Variants in SLC35F6 observed in about 807,000 individuals in gnomAD.
SLC35F6 encodes the protein ANT2-binding protein.
A neutral mutation model predicts 29.4 loss-of-function variants in SLC35F6; 26 were observed. The observed-to-expected ratio is 0.89, with a 90% CI of 0.65 to 1.23. The LOEUF (loss-of-function observed/expected upper bound fraction) is 1.23. Ranked by LOEUF, SLC35F6 falls within the 50% of genes most tolerant of loss-of-function variation. The pLI is 0.00. For missense variants in SLC35F6, 428 were observed against 487.8 expected (o/e 0.88, Z 1.15); for synonymous variants, 174 against 206.6 (o/e 0.84, Z 1.35).
At chr2:26,765,495 G>C (rs761806072) in intron 1 of SLC35F6, among the ~76,000 whole-genome samples, 8 of 152,158 alleles carry the variant, frequency 5.3e-5, no homozygotes, top group Non-Finnish European at 1.0e-4. Flanking sequence ...TTTTCTTGTT[G>C]CCCAGGCTGG....
At chr2:26,772,045 C>T (rs1385463168) in intron 1 of SLC35F6, among the ~76,000 whole-genome samples, 4 of 152,210 alleles carry the variant, frequency 2.6e-5, no homozygotes, top group Admixed American at 6.5e-5. Context: ...TTCCCAAGAA[C>T]CACAAGGAAT....
At chr2:26,770,516 G>A (rs1476644075) in intron 1 of SLC35F6, among the ~76,000 whole-genome samples, 1 of 151,984 alleles carries the variant, frequency 6.6e-6, no homozygotes, top group African/African-American at 2.4e-5. Flanking sequence ...TCAGGAGTTC[G>A]AGACCATCCT....
chr2:26,765,519 G>A (rs1397180733), intron 1 of SLC35F6, among the ~76,000 whole-genome samples: 3 of 152,176 alleles, frequency 2.0e-5, no homozygotes, highest in Admixed American at 1.3e-4. Context: ...GCAATGGCAC[G>A]ATCCCATGTA....
intron 1 of SLC35F6, among the ~76,000 whole-genome samples, chr2:26,766,027 A>G (rs1664090601): frequency 6.6e-6 from 1 of 152,212 alleles, no homozygotes. Flanking sequence ...CAAACCAGTC[A>G]GGTAGGAAGC....
chr2:26,775,616 G>T lies in SLC35F6; in HGVS notation c.475G>T (p.Gly159Cys). 1.9e-6 allele frequency: 3 copies of T among 1,604,906 alleles called. No individual in the cohort carries two copies. The highest frequency in any genetic ancestry group is 1.7e-6 in the Non-Finnish European group (2 of 1,178,174). ...CACCATCGCGGGGCTGGTGGTCGTG[G>T]GCCTGGCTGACCTCCTGAGCAAGCA... is the stretch of plus-strand genomic sequence containing the variant. ...LATIAGLVVVGLADLLSKHDS... is the reference protein window; with the variant it reads ...LATIAGLVVVCLADLLSKHDS... Residue 159 changes from glycine (G) to cysteine (C), a missense_variant, in exon 4 of 6, where the codon GGC becomes TGC. Coordinates refer to ENST00000344420, the MANE Select transcript of SLC35F6 (RefSeq NM_017877.4). The surrounding 1 kb of genome is among the most constrained non-coding windows in gnomAD (Gnocchi z 4.6).
chr2:26,775,681 G>A lies in SLC35F6; in HGVS notation c.535+5G>A, dbSNP rs758171222. 12 of 1,563,734 alleles carry A rather than the reference G, an allele frequency of 7.7e-6. No homozygotes were observed. The highest frequency in any genetic ancestry group is 4.1e-5 in the African/African-American group (3 of 73,846). ...AGCTCAGCGAAGTGATCACAGGTGC[G>A]GCCAGGGGCAGGGACACGGGGCTGC... On this transcript the variant is annotated splice_donor_5th_base_variant and intron_variant, in intron 4 of 5. Coordinates refer to ENST00000344420, the MANE Select transcript of SLC35F6 (RefSeq NM_017877.4). This position sits in a 1 kb window ranked among gnomAD's most constrained non-coding sequence, Gnocchi z 4.6.
chr2:26,775,564 G>A lies in SLC35F6; in HGVS notation c.423G>A (p.Val141=), dbSNP rs1043730767. The A allele has an allele frequency of 7.5e-6, 12 of 1,609,514 alleles. No individual in the cohort carries two copies. Among genetic ancestry groups the A allele is most frequent in the Middle Eastern group, 1.7e-4 (1 of 5,754 alleles). ...FSVAFLGRRL[V]LSQWLGILAT... ...TGGCCTTCCTGGGCCGGAGGCTGGT[G>A]CTGAGCCAGTGGCTGGGCATCCTAG... Residue 141 remains valine (V), a synonymous_variant, in exon 4 of 6, where the codon GTG becomes GTA. Coordinates refer to ENST00000344420, the MANE Select transcript of SLC35F6 (RefSeq NM_017877.4). This position sits in a 1 kb window ranked among gnomAD's most constrained non-coding sequence, Gnocchi z 4.6.
Position 26,778,659 on chromosome 2 carries a change from G to C in SLC35F6, c.*148G>C, listed in dbSNP as rs1015938220. ...CCCCAGGGCAGCTGCTGCCACAGAA[G>C]ATAACAACACCCAAGTCCTCTTTTT... On this transcript the variant is annotated 3_prime_UTR_variant, in exon 6 of 6. Transcript: ENST00000344420. The C allele has an allele frequency of 3.4e-5, 25 of 743,536 alleles. No homozygotes were observed. Among genetic ancestry groups the C allele is most frequent in the Non-Finnish European group, 4.7e-5 (22 of 470,894 alleles). The allele number at this position is 743,536 out of a possible 1,614,324, so 46.1% of individuals were successfully genotyped here.
At position 26,778,474 on chromosome 2, in the gene SLC35F6, T is replaced by G; in HGVS notation, c.1079T>G (p.Leu360Arg). Reference protein sequence around the residue: ...LAEESEQERLLGGTRTPINDA... With the variant: ...LAEESEQERLRGGTRTPINDA... ...GAGGAGAGCGAGCAGGAGAGACTGC[T>G]GGGTGGCACCCGCACTCCCATCAAT... Residue 360 changes from leucine (L) to arginine (R), a missense_variant, in exon 6 of 6, where the codon CTG becomes CGG. Transcript: ENST00000344420. The G allele has an allele frequency of 6.2e-7, 1 of 1,612,266 alleles. No individual in the cohort carries two copies. Among genetic ancestry groups the G allele is most frequent in the Non-Finnish European group, 8.5e-7 (1 of 1,179,322 alleles).
chr2:26,778,778 A>G lies in SLC35F6; in HGVS notation c.*267A>G. 2.2e-6 allele frequency: 1 copy of G among 453,824 alleles called. No homozygotes were observed. Among genetic ancestry groups the G allele is most frequent in the Non-Finnish European group, 3.9e-6 (1 of 257,350 alleles). The allele number at this position is 453,824 out of a possible 1,614,324, so 28.1% of individuals were successfully genotyped here. ...CTCTGGACCCCTCCTACAGCACTAG[A>G]GCTAAATCATGAAGTTGAATTGTAG... On this transcript the variant is annotated 3_prime_UTR_variant, in exon 6 of 6. Coordinates refer to ENST00000344420, the MANE Select transcript of SLC35F6 (RefSeq NM_017877.4).
chr2:26,777,743 A>AGTGTGTGTGT lies in SLC35F6; in HGVS notation c.647-288_647-279dup, dbSNP rs34163276. 5.7e-3 allele frequency among the ~76,000 whole-genome samples: 858 copies of AGTGTGTGTGT among 150,342 alleles called. 6 individuals carry two copies. The highest frequency in any genetic ancestry group is 0.02 in the African/African-American group (808 of 40,972). ...ATACTGTAAGGGTAATGTTTTTATG[A>AGTGTGTGTGT]GTGTGTGTGTGTGTGTGTGTCCATG... On this transcript the variant is annotated intron_variant, in intron 5 of 5. Coordinates refer to ENST00000344420, the MANE Select transcript of SLC35F6 (RefSeq NM_017877.4).
intron 1 of SLC35F6, among the ~76,000 whole-genome samples, chr2:26,770,790 G>A (rs1664184252): frequency 6.6e-6 from 1 of 152,196 alleles, no homozygotes; most frequent in Admixed American, 6.5e-5. Context: ...GCAAAGTGCT[G>A]CCCACCTTAG....
chr2:26,768,153 A>G (rs1002297845), intron 1 of SLC35F6, among the ~76,000 whole-genome samples: 2 of 152,170 alleles, frequency 1.3e-5, no homozygotes, highest in African/African-American at 4.8e-5. Flanking sequence ...GGCATGGGAT[A>G]ATTGCTTCAA....
Position 26,775,124 on chromosome 2 carries a change from C to A in SLC35F6, c.231C>A (p.Asp77Glu). Residue 77 changes from aspartate to glutamate, a missense_variant, in exon 3 of 6, where the codon GAC (aspartate) becomes GAA (glutamate). Transcript: ENST00000344420. The surrounding 1 kb of genome is among the most constrained non-coding windows in gnomAD (Gnocchi z 4.6). Reference protein sequence around the residue: ...LLRCRAAGQSDSSVDPQQPFN... With the variant: ...LLRCRAAGQSESSVDPQQPFN... ...GATGCAGAGCTGCAGGGCAATCAGA[C>A]TCCAGCGTAGACCCCCAGCAGCCCT... 2.5e-6 allele frequency: 4 copies of A among 1,614,156 alleles called. No individual in the cohort carries two copies. Among genetic ancestry groups the A allele is most frequent in the Non-Finnish European group, 3.4e-6 (4 of 1,180,040 alleles).
Position 26,775,059 on chromosome 2 carries a change from C to T in SLC35F6, c.166C>T (p.Leu56=), listed in dbSNP as rs1197072904. The T allele has an allele frequency of 6.2e-7, 1 of 1,613,902 alleles. No homozygotes were observed. The highest frequency in any genetic ancestry group is 2.2e-5 in the East Asian group (1 of 44,882). The change falls in exon 3 of 6, where the codon CTG becomes TTG. Residue 56 remains leucine (L), a synonymous_variant. Coordinates refer to ENST00000344420, the MANE Select transcript of SLC35F6 (RefSeq NM_017877.4). The surrounding 1 kb of genome is among the most constrained non-coding windows in gnomAD (Gnocchi z 4.6). ...ATCCCTGCAGGCAGTGGGCATGTTC[C>T]TGGGAGAATTCTCCTGCCTGGCTGC... The part of the protein sequence containing the change: ...HPFLQAVGMF[L]GEFSCLAAFY...
intron 1 of SLC35F6, among the ~76,000 whole-genome samples, chr2:26,766,325 C>T (rs759388869): frequency 5.3e-5 from 8 of 152,240 alleles, no homozygotes; most frequent in Non-Finnish European, 1.2e-4. Context: ...TGGCCCGGCG[C>T]GGTGGCTTAC....
chr2:26,773,840 G>C (rs960728668), intron 1 of SLC35F6, among the ~76,000 whole-genome samples: 3 of 152,070 alleles, frequency 2.0e-5, no homozygotes, highest in Non-Finnish European at 4.4e-5. Flanking sequence ...TCGAACTCCA[G>C]ACGTCAAGTG....
rs756337501 is a variant in SLC35F6, at chr2:26,764,414, C to T, written c.65C>T (p.Thr22Met). 6.4e-7 allele frequency: 1 copy of T among 1,551,006 alleles called. No homozygotes were observed. The highest frequency in any genetic ancestry group is 1.2e-5 in the South Asian group (1 of 84,070). Residue 22 changes from threonine (T) to methionine (M), a missense_variant, in exon 1 of 6, where the codon ACG (threonine) becomes ATG (methionine). Transcript: ENST00000344420. ...ATGCTTGTTACCGGCTCCATCAACA[C>T]GCTCTCGGCAAAGTGAGTCTGGGCC... is the stretch of plus-strand genomic sequence containing the variant. ...GLMLVTGSIN[T>M]LSAKWADNFM... is the part of the protein sequence containing the mutation.
chr2:26,779,036 G>T lies in SLC35F6; in HGVS notation c.*525G>T, dbSNP rs924137541. 6.6e-6 allele frequency: 1 copy of T among 152,378 alleles called. No individual in the cohort carries two copies. Among genetic ancestry groups the T allele is most frequent in the Non-Finnish European group, 1.5e-5 (1 of 68,396 alleles). 9.4% of individuals were successfully genotyped at this position (152,378 alleles called of 1,614,324 possible). A position where few individuals can be genotyped will look rare whatever the true frequency, so the allele number is the denominator to read the frequency against. ...GCTCACTACAACCTCTGCCTCCCAG[G>T]TTCAAATGATTCTCCTGCCTCAGCC... On this transcript the variant is annotated 3_prime_UTR_variant, in exon 6 of 6. Transcript: ENST00000344420.
Sources: gnomAD v4.1 joint callset for allele counts (sites outside exome capture counted in the v4.1 genomes callset) on GRCh38, gnomAD v4.1.1 for gene constraint, Gnocchi (gnomAD v3.1) non-coding constraint, MANE v1.5 for transcripts, NCBI Gene and HGNC (gene_info 2026-07-23, HGNC 2026-07-21) for gene names.